The following FAT3 variants were observed in gnomAD, a reference collection of about 807,000 sequenced individuals.
FAT3 encodes the protein FAT atypical cadherin 3.
Under a neutral mutation model 310.2 loss-of-function variants are expected in FAT3, and 95 were observed. The observed-to-expected ratio is 0.31, with a 90% CI of 0.26 to 0.36. The LOEUF is 0.36. Ranked by LOEUF, FAT3 falls within the 10% of genes least tolerant of loss-of-function variation. The probability of loss-of-function intolerance (pLI) is 1.00; values close to 1 mark genes in which losing one functional copy is unlikely to be tolerated. For missense variants in FAT3, 5,408 were observed against 5,715.6 expected (o/e 0.95, Z 1.74); for synonymous variants, 2,314 against 2,192.9 (o/e 1.06, Z -1.54).
chr11:92,760,082 G>C (rs1453775253), intron 4 of FAT3, among the ~76,000 whole-genome samples: 1 of 152,176 alleles, frequency 6.6e-6, no homozygotes, highest in Non-Finnish European at 1.5e-5. Flanking sequence ...TTCAGAACTG[G>C]CATGTCAAGG....
Position 92,725,232 on chromosome 11 carries a change from G to T in FAT3, c.3669+27787G>T, listed in dbSNP as rs533333420. Among the ~76,000 whole-genome samples, 159 of 152,202 alleles carry T rather than the reference G, an allele frequency of 1.0e-3. 1 individual carries two copies. The highest frequency in any genetic ancestry group is 3.5e-3 in the African/African-American group (144 of 41,530). Reference sequence around the variant, plus strand: ...CCATTGCCAGTTGTTCCCAAGAAATGGGCCTCTTCTTAAATATGGGGGACT... The same window carrying T: ...CCATTGCCAGTTGTTCCCAAGAAATTGGCCTCTTCTTAAATATGGGGGACT... On this transcript the variant is annotated intron_variant, in intron 4 of 27. Transcript: ENST00000525166.
chr11:92,382,641 A>T (rs903764791), intron 2 of FAT3, among the ~76,000 whole-genome samples: 1 of 152,114 alleles, frequency 6.6e-6, no homozygotes, highest in Admixed American at 6.5e-5. Flanking sequence ...CTTTCAAAAG[A>T]TACTTAGAAA....
intron 1 of FAT3, among the ~76,000 whole-genome samples, chr11:92,334,590 A>G (rs532156704): frequency 2.0e-5 from 3 of 151,496 alleles, no homozygotes; most frequent in Admixed American, 6.6e-5. Flanking sequence ...TTAATCATCT[A>G]TAGTGGGATT....
In FAT3 at chr11:92,356,603, T is replaced by C. The variant is rs548456829; in HGVS notation, c.3292+1199T>C. On this transcript the variant is annotated intron_variant, in intron 2 of 27. Coordinates refer to ENST00000525166, the MANE Select transcript of FAT3 (RefSeq NM_001367949.2). ...CAAAGAGAGCAGGCTTTGGTGCTTT[T>C]CTTCCCGTAAGGGCACTAATGCCAT... is the stretch of plus-strand genomic sequence containing the variant. Among the ~76,000 whole-genome samples, 5 of 152,188 alleles carry C rather than the reference T, an allele frequency of 3.3e-5. No homozygotes were observed. The South Asian group carries it at 8.3e-4, about 25-fold the overall frequency.
chr11:92,640,229 T>C (rs1460552391), intron 3 of FAT3, among the ~76,000 whole-genome samples: 15 of 152,178 alleles, frequency 9.9e-5, no homozygotes, highest in Admixed American at 9.8e-4. Context: ...TGCTGTATAC[T>C]GCTTGGAGTC....
chr11:92,766,113 T>G (rs1946303670), intron 6 of FAT3, among the ~76,000 whole-genome samples: 1 of 152,118 alleles, frequency 6.6e-6, no homozygotes, highest in South Asian at 2.1e-4. Flanking sequence ...AGCCAACCTT[T>G]AAATTCCTTG....
At chr11:92,439,559 A>G (rs1325401366) in intron 2 of FAT3, among the ~76,000 whole-genome samples, 1 of 152,064 alleles carries the variant, frequency 6.6e-6, no homozygotes, top group Non-Finnish European at 1.5e-5. Flanking sequence ...TCGGGAGCTC[A>G]CAGTTTAGTC....
chr11:92,875,988 T>A (rs564625916), intron 22 of FAT3, among the ~76,000 whole-genome samples: 2 of 152,278 alleles, frequency 1.3e-5, no homozygotes, highest in South Asian at 2.1e-4. Flanking sequence ...TGAGTTAGAA[T>A]CCAGTTTCCA....
intron 3 of FAT3, among the ~76,000 whole-genome samples, chr11:92,571,835 C>T (rs887666249): frequency 2.0e-5 from 3 of 152,160 alleles, no homozygotes. Context: ...TGATTTCTTT[C>T]TTTACTCACT....
chr11:92,558,981 G>A (rs577880384), intron 3 of FAT3, among the ~76,000 whole-genome samples: 33 of 152,274 alleles, frequency 2.2e-4, no homozygotes, highest in African/African-American at 7.7e-4. Flanking sequence ...CATGCTAGGT[G>A]TCCTGCTAAG....
chr11:92,240,353 T>C (rs574910091), intron 1 of FAT3, among the ~76,000 whole-genome samples: 9 of 152,226 alleles, frequency 5.9e-5, no homozygotes, highest in Non-Finnish European at 1.2e-4. Context: ...AAGATTTTCT[T>C]GAATGTCTTT....
intron 1 of FAT3, among the ~76,000 whole-genome samples, chr11:92,340,541 A>G (rs994554652): frequency 3.3e-5 from 5 of 152,198 alleles, no homozygotes; most frequent in South Asian, 2.1e-4. Flanking sequence ...TTCAGTTTCA[A>G]AAATGATACC....
chr11:92,653,034 C>T (rs1031645708), intron 3 of FAT3, among the ~76,000 whole-genome samples: 1 of 152,184 alleles, frequency 6.6e-6, no homozygotes, highest in East Asian at 1.9e-4. Flanking sequence ...TGGCACATGC[C>T]TGTAACCTCA....
chr11:92,617,896 T>G (rs1250607755), intron 3 of FAT3, among the ~76,000 whole-genome samples: 1 of 152,152 alleles, frequency 6.6e-6, no homozygotes, highest in Non-Finnish European at 1.5e-5. Context: ...CAGCCCCTAC[T>G]GGGGGGTGTC....
chr11:92,309,522 C>A (rs1947239445), intron 1 of FAT3, among the ~76,000 whole-genome samples: 1 of 152,150 alleles, frequency 6.6e-6, no homozygotes, highest in Non-Finnish European at 1.5e-5. Flanking sequence ...TTATGGCAAA[C>A]ACTTCACCTT....
intron 3 of FAT3, among the ~76,000 whole-genome samples, chr11:92,667,252 A>G (rs1343511346): frequency 1.3e-5 from 2 of 152,178 alleles, no homozygotes; most frequent in Non-Finnish European, 2.9e-5. Flanking sequence ...TTTATAAGCT[A>G]GTGAGACGTG....
chr11:92,736,231 G>GA (rs1307066674), intron 4 of FAT3, among the ~76,000 whole-genome samples: 1 of 152,150 alleles, frequency 6.6e-6, no homozygotes, highest in African/African-American at 2.4e-5. Context: ...GCTGCCATTT[G>GA]AGAGTCGCCA....
chr11:92,312,067 A>T (rs558669353), intron 1 of FAT3, among the ~76,000 whole-genome samples: 8 of 152,306 alleles, frequency 5.3e-5, no homozygotes, highest in Admixed American at 4.6e-4. Flanking sequence ...GTTACTTAAA[A>T]TGTCAACTGT....
intron 2 of FAT3, among the ~76,000 whole-genome samples, chr11:92,453,683 CTT>C (rs947932721): frequency 2.0e-5 from 3 of 152,006 alleles, no homozygotes; most frequent in Non-Finnish European, 4.4e-5. Flanking sequence ...GATAAAATAA[CTT>C]TTATTAAGAC....
Sources: allele counts gnomAD v4.1 joint callset (sites outside exome capture counted in the v4.1 genomes callset), GRCh38; gene constraint gnomAD v4.1.1; transcripts MANE v1.5; gene names NCBI Gene and HGNC (gene_info 2026-07-23, HGNC 2026-07-21).